The following CELF2 variants were observed in gnomAD, a reference collection of about 807,000 sequenced individuals.
The protein encoded by CELF2 is CUGBP Elav-like family member 2.
Under a neutral mutation model 62.6 loss-of-function variants are expected in CELF2, and 8 were observed. The ratio of observed to expected loss-of-function variants is 0.13; its 90% confidence interval spans 0.07 to 0.23. The LOEUF (loss-of-function observed/expected upper bound fraction) is 0.23, where lower values mean the gene tolerates loss of function less well. Among genes scored for constraint, CELF2 ranks in the 10% least tolerant of loss-of-function variants. CELF2 has a pLI of 1.00. For missense variants in CELF2, 333 were observed against 671.0 expected, an observed-to-expected ratio of 0.50 and a Z score of 5.56; for synonymous variants, 258 against 250.0, an observed-to-expected ratio of 1.03 and a Z score of -0.30.
the CELF2 span, among the ~76,000 whole-genome samples, chr10:10,562,006 G>A: frequency 6.6e-6 from 1 of 152,184 alleles, no homozygotes; most frequent in Non-Finnish European, 1.5e-5. Flanking sequence ...CAAGGAAAAT[G>A]CAAGCTTTTA....
At chr10:10,711,240 G>T in the CELF2 span, among the ~76,000 whole-genome samples, 3 of 152,164 alleles carry the variant, frequency 2.0e-5, no homozygotes, top group Non-Finnish European at 4.4e-5. Flanking sequence ...CTTGCTATTG[G>T]CCATAAGAGC....
the CELF2 span, among the ~76,000 whole-genome samples, chr10:10,698,835 C>A: frequency 6.6e-6 from 1 of 152,212 alleles, no homozygotes; most frequent in South Asian, 2.1e-4. Context: ...ACAACACCCA[C>A]ACACTGTCAT....
rs530775695 is a variant in CELF2 at position 11,046,097 on chromosome 10, A to G, written c.74+27934A>G. Among the ~76,000 whole-genome samples the G allele has an allele frequency of 6.6e-6, 1 of 152,316 alleles. No individual in the cohort carries two copies. The highest frequency in any genetic ancestry group is 1.9e-4 in the East Asian group (1 of 5,188). ...GGAGACCAGCTGACTTGAGCTGTCT[A>G]CACCTTCCAGCTCTGTTCTATTTGC... On this transcript the variant is annotated intron_variant, in intron 1 of 12. Transcript: ENST00000633077. The surrounding 1 kb of genome is among the most constrained non-coding windows in gnomAD (Gnocchi z 4.6).
the CELF2 span, among the ~76,000 whole-genome samples, chr10:10,538,484 G>A: frequency 6.6e-6 from 1 of 152,064 alleles, no homozygotes; most frequent in Admixed American, 6.5e-5. Context: ...AGTGTCTCTG[G>A]TTAAATCTCC....
chr10:11,226,600 C>CCA (rs59521803), intron 3 of CELF2, among the ~76,000 whole-genome samples: 1,998 of 25,826 alleles, frequency 0.077, 51 homozygotes, highest in African/African-American at 0.11. Flanking sequence ...CAGGCAGTGG[C>CCA]CACACACACA....
At chr10:11,143,603 T>C (rs778575326) in intron 1 of CELF2, among the ~76,000 whole-genome samples, 10 of 152,206 alleles carry the variant, frequency 6.6e-5, no homozygotes, top group Non-Finnish European at 1.0e-4. Context: ...TCTTCCCTTA[T>C]TTGTAGTTTC....
chr10:10,595,934 A>G, the CELF2 span, among the ~76,000 whole-genome samples: 2 of 152,142 alleles, frequency 1.3e-5, no homozygotes. Flanking sequence ...ACTGCAGAAC[A>G]GCCCTGAGCT....
Position 11,165,198 on chromosome 10 carries a change from G to T in CELF2, c.75-288G>T. ...TGCACTTAACTTGCAGCTGCCTCCCGAGCCTCCAAGATGTCCACGCCCTGG... is the reference window on the plus strand; with the variant it reads ...TGCACTTAACTTGCAGCTGCCTCCCTAGCCTCCAAGATGTCCACGCCCTGG... On this transcript the variant is annotated intron_variant, in intron 1 of 12. Transcript: ENST00000633077. This position sits in a 1 kb window ranked among gnomAD's most constrained non-coding sequence, Gnocchi z 7.4. The T allele has an allele frequency of 8.0e-7, 1 of 1,247,004 alleles. No homozygotes were observed. 77.2% of individuals were successfully genotyped at this position (1,247,004 alleles called of 1,614,324 possible).
intron 1 of CELF2, among the ~76,000 whole-genome samples, chr10:11,042,697 C>T (rs778783344): frequency 5.3e-5 from 8 of 152,210 alleles, no homozygotes; most frequent in Non-Finnish European, 7.3e-5. Flanking sequence ...TCCCCCACCC[C>T]AATTTCCCTT....
intron 7 of CELF2, among the ~76,000 whole-genome samples, chr10:11,271,719 G>C (rs200868194): frequency 4.0e-5 from 1 of 24,974 alleles, no homozygotes; most frequent in Admixed American, 3.1e-4. Context: ...GGGTGTCTCT[G>C]TGTGTGTGTG....
At chr10:10,937,151 G>A (rs1199672637) in intron 2 of CELF2, among the ~76,000 whole-genome samples, 13 of 110,772 alleles carry the variant, frequency 1.2e-4, no homozygotes, top group African/African-American at 4.7e-4. Context: ...TTTCGTGACA[G>A]AGCCTCGGTC....
rs2063744618 is a variant in CELF2 at position 11,217,875 on chromosome 10, T to A, written c.354+368T>A. ...AAAGCTTTTATTCACCAGGAGCTCCTTTTCAAATTTTGTCTTTAGATTTTC... is the reference window on the plus strand; with the variant it reads ...AAAGCTTTTATTCACCAGGAGCTCCATTTCAAATTTTGTCTTTAGATTTTC... On this transcript the variant is annotated intron_variant, in intron 3 of 12. Transcript: ENST00000633077. This position sits in a 1 kb window ranked among gnomAD's most constrained non-coding sequence, Gnocchi z 5.6. Among the ~76,000 whole-genome samples, 1 of 152,222 alleles carries A rather than the reference T, an allele frequency of 6.6e-6. No individual in the cohort carries two copies. The highest frequency in any genetic ancestry group is 2.4e-5 in the African/African-American group (1 of 41,458).
At chr10:10,496,505 G>A in the CELF2 span, among the ~76,000 whole-genome samples, 22 of 152,222 alleles carry the variant, frequency 1.4e-4, no homozygotes, top group South Asian at 4.6e-3. Flanking sequence ...ATGGAACCTG[G>A]CATACAATAG....
chr10:10,679,530 TC>T, the CELF2 span, among the ~76,000 whole-genome samples: 2 of 152,202 alleles, frequency 1.3e-5, no homozygotes, highest in African/African-American at 4.8e-5. Context: ...CCTCAAGTGA[TC>T]CGCCAGCCTT....
the CELF2 span, among the ~76,000 whole-genome samples, chr10:10,562,807 C>T: frequency 6.6e-6 from 1 of 152,274 alleles, no homozygotes; most frequent in Non-Finnish European, 1.5e-5. Context: ...CCTCCACAGC[C>T]TACCTCCCTG....
In CELF2 at chr10:11,306,260, A is replaced by G. The variant is rs2140315698; in HGVS notation, c.977-7879A>G. Among the ~76,000 whole-genome samples, 2 of 151,750 alleles carry G rather than the reference A, an allele frequency of 1.3e-5. 1 individual carries two copies. Among genetic ancestry groups the G allele is most frequent in the Middle Eastern group, 6.8e-3 (2 of 294 alleles). On this transcript the variant is annotated intron_variant, in intron 9 of 12. Transcript: ENST00000633077. The surrounding 1 kb of genome is among the most constrained non-coding windows in gnomAD (Gnocchi z 4.4). ...TTATGAACCAACATTTATAGACCGC[A>G]CCTCTCCTGAGATGCTCCTTTGGCA...
chr10:10,781,784 C>G, the CELF2 span, among the ~76,000 whole-genome samples: 3 of 152,312 alleles, frequency 2.0e-5, no homozygotes, highest in African/African-American at 7.2e-5. Flanking sequence ...AAATCACCTA[C>G]AGACACACTT....
In CELF2 at chr10:11,270,823, C is replaced by A; in HGVS notation, c.776C>A (p.Ala259Glu). The A allele has an allele frequency of 7.1e-7, 1 of 1,416,788 alleles. No homozygotes were observed. Among genetic ancestry groups the A allele is most frequent in the Non-Finnish European group, 9.3e-7 (1 of 1,073,154 alleles). 87.8% of individuals were successfully genotyped at this position (1,416,788 alleles called of 1,614,324 possible). A position where few individuals can be genotyped will look rare whatever the true frequency, so the allele number is the denominator to read the frequency against. The change falls in exon 7 of 13, where the codon GCG (alanine) becomes GAG (glutamate). Residue 259 changes from alanine (A) to glutamate (E), a missense_variant and splice_region_variant. Ala to Glu is a moderately radical substitution (Grantham distance 107). This residue lies in a region of CELF2 where 253 missense variants were observed against 503.0 expected (regional missense o/e 0.50). Coordinates refer to ENST00000633077, the MANE Select transcript of CELF2 (RefSeq NM_001326342.2). The surrounding 1 kb of genome is among the most constrained non-coding windows in gnomAD (Gnocchi z 5.8). The part of the protein sequence containing the change: ...GLGGLTPQYL[A>E]LLQQATSSSN... ...GGCGGACTGACCCCACAGTATCTGG[C>A]GGTAAGTGCTGGGCAATGCCGGCGT...
chr10:11,193,881 G>C, intron 2 of CELF2, among the ~76,000 whole-genome samples: 1 of 152,100 alleles, frequency 6.6e-6, no homozygotes, highest in East Asian at 1.9e-4. Context: ...TATAACCTGG[G>C]AAAGAGGCTG....
Sources: gnomAD v4.1 joint callset for allele counts (sites outside exome capture counted in the v4.1 genomes callset) on GRCh38, gnomAD v4.1.1 for gene constraint, gnomAD v4.1.1 regional missense constraint, Gnocchi (gnomAD v3.1) non-coding constraint, MANE v1.5 for transcripts, NCBI Gene and HGNC (gene_info 2026-07-23, HGNC 2026-07-21) for gene names.